The following GABPA variants were observed in gnomAD, a reference collection of about 807,000 sequenced individuals.
GABPA encodes GA-binding protein alpha chain.
In GABPA, 4 loss-of-function variants were observed where a neutral mutation model predicts 59.4. The ratio of observed to expected loss-of-function variants is 0.07; its 90% CI spans 0.03 to 0.15. The LOEUF is 0.15. GABPA is among the 10% of genes least tolerant of loss of function. GABPA has a pLI of 1.00. For synonymous variants in GABPA, 164 were observed against 183.1 expected (o/e 0.90, Z 0.84); for missense variants, 251 against 543.8 (o/e 0.46, Z 5.36).
At chr21:25,740,574 G>A (rs1470449452) in intron 1 of GABPA, among the ~76,000 whole-genome samples, 3 of 152,194 alleles carry the variant, frequency 2.0e-5, no homozygotes, top group African/African-American at 2.4e-5. Context: ...AGCTATTTGT[G>A]TATTCTTTAG....
intron 5 of GABPA, among the ~76,000 whole-genome samples, chr21:25,756,267 T>C (rs888083129): frequency 2.0e-5 from 3 of 152,338 alleles, no homozygotes; most frequent in African/African-American, 7.2e-5. Context: ...AGGATAGCTT[T>C]TCTATTTAAC....
chr21:25,755,073 A>G (rs1418440775), intron 5 of GABPA, among the ~76,000 whole-genome samples: 1 of 152,108 alleles, frequency 6.6e-6, no homozygotes, highest in Non-Finnish European at 1.5e-5. Context: ...ATAAGAGTAA[A>G]TAACTTTAAA....
intron 9 of GABPA, among the ~76,000 whole-genome samples, chr21:25,767,467 T>C (rs1174319211): frequency 1.3e-5 from 2 of 152,018 alleles, no homozygotes; most frequent in Non-Finnish European, 2.9e-5. Flanking sequence ...TGCTACTATA[T>C]ACAGTTGTGT....
In GABPA at chr21:25,764,391, T is replaced by G. The variant is rs373266523; in HGVS notation, c.943+41T>G. The G allele has an allele frequency of 2.7e-5, 42 of 1,528,898 alleles. No homozygotes were observed. The African/African-American group carries it at 4.1e-4, about 15-fold the overall frequency. 94.7% of individuals were successfully genotyped at this position (1,528,898 alleles called of 1,614,324 possible). A position where few individuals can be genotyped will look rare whatever the true frequency, so the allele number is the denominator to read the frequency against. On this transcript the variant is annotated intron_variant, in intron 8 of 9. Coordinates refer to ENST00000400075, the MANE Select transcript of GABPA (RefSeq NM_002040.4). Reference sequence around the variant, plus strand: ...CTTGTATTTATAAAATATATCTATCTAATTAGGTATATTTTGTTGTATTTT... The same window carrying G: ...CTTGTATTTATAAAATATATCTATCGAATTAGGTATATTTTGTTGTATTTT...
chr21:25,768,114 T>C (rs1425745735), intron 9 of GABPA, among the ~76,000 whole-genome samples: 4 of 152,030 alleles, frequency 2.6e-5, no homozygotes, highest in Non-Finnish European at 5.9e-5. Flanking sequence ...TGTGTTTAAA[T>C]AAAGTCTGTT....
intron 7 of GABPA, 97 bp downstream of exon 7, chr21:25,762,462 T>G: frequency 2.5e-6 from 2 of 796,878 alleles, no homozygotes; most frequent in Non-Finnish European, 4.0e-6. Context: ...AAAAATTTTT[T>G]TTCTACACAC....
chr21:25,770,527 G>A lies in GABPA; in HGVS notation c.*1295G>A, dbSNP rs563546778. 2.6e-5 allele frequency: 4 copies of A among 152,016 alleles called. No homozygotes were observed. Among genetic ancestry groups the A allele is most frequent in the Admixed American group, 1.3e-4 (2 of 15,262 alleles). 9.4% of individuals were successfully genotyped at this position (152,016 alleles called of 1,614,324 possible). ...CTTTGTTGTTTAAGGTATTAAGCAC[G>A]AATTATTACATGAGACTGGCAGATA... On this transcript the variant is annotated 3_prime_UTR_variant, in exon 10 of 10. Coordinates refer to ENST00000400075, the MANE Select transcript of GABPA (RefSeq NM_002040.4).
intron 4 of GABPA, among the ~76,000 whole-genome samples, chr21:25,751,193 TAATGA>T (rs2035500947): frequency 6.6e-6 from 1 of 151,978 alleles, no homozygotes; most frequent in South Asian, 2.1e-4. Context: ...ACTGCACACA[TAATGA>T]AATAACTGTT....
At chr21:25,746,218 T>C (rs2035359822) in intron 3 of GABPA, among the ~76,000 whole-genome samples, 1 of 152,118 alleles carries the variant, frequency 6.6e-6, no homozygotes, top group South Asian at 2.1e-4. Context: ...TTTTGCTGTG[T>C]TGGCCAGGCT....
At chr21:25,746,080 C>T (rs548001000) in intron 3 of GABPA, among the ~76,000 whole-genome samples, 15 of 151,110 alleles carry the variant, frequency 9.9e-5, no homozygotes, top group African/African-American at 2.4e-4. Context: ...CGTGTAGTTT[C>T]GGGTCACTGC....
At chr21:25,740,455 G>A (rs1363493865) in intron 1 of GABPA, among the ~76,000 whole-genome samples, 1 of 152,142 alleles carries the variant, frequency 6.6e-6, no homozygotes, top group Non-Finnish European at 1.5e-5. Flanking sequence ...AAGTGCGTAT[G>A]GAATTCAAAG....
Position 25,735,524 on chromosome 21 carries a change from G to C in GABPA, c.-81G>C, listed in dbSNP as rs2035012632. 1 of 153,644 alleles carries C rather than the reference G, an allele frequency of 6.5e-6. No homozygotes were observed. 9.5% of individuals were successfully genotyped at this position (153,644 alleles called of 1,614,324 possible). A position where few individuals can be genotyped will look rare whatever the true frequency, so the allele number is the denominator to read the frequency against. ...TGCACGTGGAGCCCTCGCCGCTGCC[G>C]TTCTCAGCCGGCTCTGGAGTGCGGG... On this transcript the variant is annotated 5_prime_UTR_variant, in exon 1 of 10. Coordinates refer to ENST00000400075, the MANE Select transcript of GABPA (RefSeq NM_002040.4).
chr21:25,751,901 A>G, intron 4 of GABPA, 88 bp from the exon 5 acceptor site: 1 of 1,329,946 alleles, frequency 7.5e-7, no homozygotes, highest in Non-Finnish European at 1.1e-6. Flanking sequence ...GTTTTTCTCT[A>G]CCATTTGGGA....
At chr21:25,737,238 C>A (rs1601104134) in intron 1 of GABPA, among the ~76,000 whole-genome samples, 1 of 152,198 alleles carries the variant, frequency 6.6e-6, no homozygotes, top group Non-Finnish European at 1.5e-5. Context: ...AGCCCTTAGA[C>A]GGAGAAACTG....
intron 2 of GABPA, among the ~76,000 whole-genome samples, chr21:25,742,252 A>G (rs2035239851): frequency 1.0e-3 from 2 of 1,946 alleles, no homozygotes; most frequent in South Asian, 0.048. Flanking sequence ...GAACATGGGT[A>G]GAAATAGACT....
chr21:25,744,042 CAAA>C (rs1182340915), intron 2 of GABPA, among the ~76,000 whole-genome samples: 4 of 71,880 alleles, frequency 5.6e-5, no homozygotes, highest in Non-Finnish European at 1.1e-4. Flanking sequence ...GACTCTGTCT[CAAA>C]AAAAAAAAAA....
rs1316891114 is a variant in GABPA, at chr21:25,750,679, C to T, written c.308-1310C>T. 1.3e-5 allele frequency among the ~76,000 whole-genome samples: 2 copies of T among 152,164 alleles called. 1 individual carries two copies. The highest frequency in any genetic ancestry group is 2.9e-5 in the Non-Finnish European group (2 of 68,014). ...ATGTTTCACAAACCACATTTTTCTT[C>T]AGACTCTGACAATGGTAGTTACGTA... On this transcript the variant is annotated intron_variant, in intron 4 of 9. Transcript: ENST00000400075.
intron 1 of GABPA, among the ~76,000 whole-genome samples, chr21:25,740,991 A>G (rs1206012632): frequency 1.3e-5 from 2 of 152,232 alleles, no homozygotes; most frequent in African/African-American, 4.8e-5. Flanking sequence ...ACAGACCCTT[A>G]ACTTAATTTT....
At chr21:25,754,049 T>C (rs1459253065) in intron 5 of GABPA, among the ~76,000 whole-genome samples, 1 of 152,198 alleles carries the variant, frequency 6.6e-6, no homozygotes, top group Non-Finnish European at 1.5e-5. Context: ...TGCCCAGTAC[T>C]GTAGCCACTA....
Sources: allele counts gnomAD v4.1 joint callset (sites outside exome capture counted in the v4.1 genomes callset), GRCh38; gene constraint gnomAD v4.1.1; transcripts MANE v1.5; gene names NCBI Gene and HGNC (gene_info 2026-07-23, HGNC 2026-07-21).